FMN2: variants seen among roughly 807,000 people sequenced by gnomAD.
FMN2 encodes the protein formin 2, also known as formin-2.
A neutral mutation model predicts 142.3 loss-of-function variants in FMN2; 51 were observed. That is an observed-to-expected ratio of 0.36 (90% confidence interval 0.29 to 0.45). FMN2 has a LOEUF of 0.45. FMN2 is among the 20% of genes least tolerant of loss of function. FMN2 has a pLI of 1.00. For synonymous variants in FMN2, 882 were observed against 869.8 expected, an observed-to-expected ratio of 1.01 and a Z score of -0.25; for missense variants, 1,936 against 2,122.8, an observed-to-expected ratio of 0.91 and a Z score of 1.73.
chr1:240,227,639 G>A (rs1380396709), intron 6 of FMN2, among the ~76,000 whole-genome samples: 1 of 152,154 alleles, frequency 6.6e-6, no homozygotes, highest in Non-Finnish European at 1.5e-5. Context: ...CCAGAAATCA[G>A]TTCTTACATT....
chr1:240,392,633 A>G, intron 15 of FMN2, 71 bp downstream of exon 15: 1 of 1,191,050 alleles, frequency 8.4e-7, no homozygotes, highest in Non-Finnish European at 1.2e-6. Context: ...TTAAGGAACC[A>G]ATTTTTAGTT....
chr1:240,317,744 C>CT (rs1195880992), intron 8 of FMN2, among the ~76,000 whole-genome samples: 1 of 152,014 alleles, frequency 6.6e-6, no homozygotes, highest in Non-Finnish European at 1.5e-5. Flanking sequence ...CTTAAGTTTT[C>CT]TTTTTTTGTG....
intron 8 of FMN2, among the ~76,000 whole-genome samples, chr1:240,304,627 G>A (rs1169029893): frequency 6.6e-6 from 1 of 152,192 alleles, no homozygotes; most frequent in African/African-American, 2.4e-5. Flanking sequence ...GATAAGGAGG[G>A]GCAACTACAG....
chr1:240,389,485 C>T (rs926392041), intron 14 of FMN2, among the ~76,000 whole-genome samples: 6 of 152,140 alleles, frequency 3.9e-5, no homozygotes, highest in Admixed American at 3.9e-4. Flanking sequence ...GGGGTCACTG[C>T]ATGTAATTAG....
chr1:240,330,150 A>G (rs1396207738), intron 10 of FMN2, among the ~76,000 whole-genome samples: 1 of 152,236 alleles, frequency 6.6e-6, no homozygotes, highest in African/African-American at 2.4e-5. Flanking sequence ...TTTAGAAATT[A>G]ATCTCTGAAT....
At chr1:240,454,359 T>C (rs1676158289) in intron 16 of FMN2, among the ~76,000 whole-genome samples, 1 of 152,076 alleles carries the variant, frequency 6.6e-6, no homozygotes, top group Non-Finnish European at 1.5e-5. Flanking sequence ...CTGGCCAACA[T>C]GGCAAAACCC....
At chr1:240,114,447 C>T (rs1661939355) in intron 1 of FMN2, among the ~76,000 whole-genome samples, 1 of 152,024 alleles carries the variant, frequency 6.6e-6, no homozygotes, top group Non-Finnish European at 1.5e-5. Context: ...TTATGATCAC[C>T]CCCAGCAGGG....
intron 6 of FMN2, among the ~76,000 whole-genome samples, chr1:240,228,303 CAAAAAAAAAAAAAAAAAA>C (rs577421634): frequency 3.8e-4 from 18 of 47,748 alleles, no homozygotes; most frequent in Non-Finnish European, 7.6e-4. Context: ...AACTCTGTCT[CAAAAAAAAAAAAAAAAAA>C]AAAAAAAAAA....
At chr1:240,460,521 G>A (rs1271854819) in intron 16 of FMN2, among the ~76,000 whole-genome samples, 1 of 152,084 alleles carries the variant, frequency 6.6e-6, no homozygotes, top group Admixed American at 6.5e-5. Flanking sequence ...AAACCCCAGT[G>A]AGACAAGATC....
At chr1:240,096,144 A>T (rs550777571) in intron 1 of FMN2, among the ~76,000 whole-genome samples, 3 of 152,336 alleles carry the variant, frequency 2.0e-5, no homozygotes, top group Middle Eastern at 3.4e-3. Flanking sequence ...ATTCAGAGGC[A>T]GATCCAGAAA....
chr1:240,436,102 C>T (rs941682593), intron 15 of FMN2, among the ~76,000 whole-genome samples: 2 of 152,162 alleles, frequency 1.3e-5, no homozygotes, highest in African/African-American at 4.8e-5. Flanking sequence ...CTGCCATCTA[C>T]TCTCCGGGCA....
intron 13 of FMN2, among the ~76,000 whole-genome samples, chr1:240,342,947 G>C (rs1426247473): frequency 6.6e-6 from 1 of 151,726 alleles, no homozygotes; most frequent in African/African-American, 2.4e-5. Context: ...GACTTCGAAA[G>C]ATCTGTAAAA....
intron 1 of FMN2, among the ~76,000 whole-genome samples, chr1:240,105,372 G>A (rs1227276437): frequency 6.6e-6 from 1 of 152,080 alleles, no homozygotes; most frequent in East Asian, 1.9e-4. Context: ...GCCTCCCAGA[G>A]TGTGGGAGTT....
chr1:240,252,992 C>G (rs140296226), intron 6 of FMN2, among the ~76,000 whole-genome samples: 2,125 of 80,362 alleles, frequency 0.026, 58 homozygotes, highest in African/African-American at 0.1. Context: ...CTCACTCTGT[C>G]ACCAGGCTGG....
At chr1:240,381,693 G>A (rs897459918) in intron 14 of FMN2, among the ~76,000 whole-genome samples, 7 of 152,312 alleles carry the variant, frequency 4.6e-5, no homozygotes, top group Non-Finnish European at 1.0e-4. Flanking sequence ...GTCTCCCAAA[G>A]TGTTGGGATT....
intron 11 of FMN2, among the ~76,000 whole-genome samples, chr1:240,331,953 T>C (rs1398729907): frequency 6.6e-6 from 1 of 152,218 alleles, no homozygotes; most frequent in Admixed American, 6.5e-5. Flanking sequence ...CAGTTTCTAC[T>C]GAATGCGTAT....
At chr1:240,439,978 G>A (rs376122202) in intron 16 of FMN2, among the ~76,000 whole-genome samples, 2 of 152,232 alleles carry the variant, frequency 1.3e-5, no homozygotes, top group African/African-American at 4.8e-5. Context: ...GAAAAGAGTC[G>A]TGTTTCCCCT....
chr1:240,430,042 T>C (rs1675094540), intron 15 of FMN2, among the ~76,000 whole-genome samples: 1 of 151,900 alleles, frequency 6.6e-6, no homozygotes. Context: ...CCCACCACCG[T>C]GCCCTGCTAA....
At chr1:240,388,462 G>A (rs982316933) in intron 14 of FMN2, among the ~76,000 whole-genome samples, 1 of 152,054 alleles carries the variant, frequency 6.6e-6, no homozygotes. Context: ...GAGAGGCAGA[G>A]TGTGAGAAAG....
Sources: allele counts gnomAD v4.1 joint callset (sites outside exome capture counted in the v4.1 genomes callset), GRCh38; gene constraint gnomAD v4.1.1; transcripts MANE v1.5; gene names NCBI Gene and HGNC (gene_info 2026-07-23, HGNC 2026-07-21).